Variants in ZP4 observed in about 807,000 individuals in gnomAD.
ZP4 encodes the protein zona pellucida glycoprotein 4.
ZP4 carries 62 observed loss-of-function variants against 62.3 expected under a neutral mutation model. That is an observed-to-expected ratio of 0.99 (90% CI 0.81 to 1.23). ZP4 has a LOEUF of 1.23. Ranked by LOEUF, ZP4 falls within the 50% of genes most tolerant of loss-of-function variation. The probability of loss-of-function intolerance (pLI) is 0.00; values close to 1 mark genes in which losing one functional copy is unlikely to be tolerated. For synonymous variants in ZP4, 289 were observed against 247.3 expected (o/e 1.17, Z -1.58); for missense variants, 774 against 656.0 (o/e 1.18, Z -1.97).
rs892628150 is a variant in ZP4, at chr1:237,885,757, T to C, written c.969A>G (p.Lys323=). 4 of 1,613,924 alleles carry C rather than the reference T, an allele frequency of 2.5e-6. No homozygotes were observed. The highest frequency in any genetic ancestry group is 2.5e-6 in the Non-Finnish European group (3 of 1,179,990). The part of the protein sequence containing the change: ...GPLTLELQIA[K]DKNYGSYYGV... ...ATACTCCAGCCAAGGGGGTCATACC[T>C]TTGGCAATCTGAAGTTCCAGAGTGA... The change falls in exon 7 of 12, where the codon AAA becomes AAG. Residue 323 remains lysine, a splice_region_variant and synonymous_variant. Transcript: ENST00000366570.
In ZP4 at chr1:237,886,694, C is replaced by A. The variant is rs1448807354; in HGVS notation, c.839+77G>T. The A allele has an allele frequency of 2.4e-6, 3 of 1,228,192 alleles. No homozygotes were observed. In the East Asian group the frequency reaches 7.0e-5, roughly 29 times the overall value. 76.1% of individuals were successfully genotyped at this position (1,228,192 alleles called of 1,614,324 possible). On this transcript the variant is annotated intron_variant, in intron 6 of 11. Coordinates refer to ENST00000366570, the MANE Select transcript of ZP4 (RefSeq NM_021186.5). The stretch of plus-strand genomic sequence containing the variant: ...GGTTTTCTCCTATTGCTGAGGAATG[C>A]TCATTTGTGGATTCAGGGCTTACCT...
rs140795085 is a variant in ZP4 at position 237,887,277 on chromosome 1, G to A, written c.741+97C>T. 9.3e-6 allele frequency: 13 copies of A among 1,402,464 alleles called. No individual in the cohort carries two copies. The African/African-American group carries it at 1.7e-4, about 18-fold the overall frequency. The allele number at this position is 1,402,464 out of a possible 1,614,324, so 86.9% of individuals were successfully genotyped here. A position where few individuals can be genotyped will look rare whatever the true frequency, so the allele number is the denominator to read the frequency against. On this transcript the variant is annotated intron_variant, in intron 5 of 11. Transcript: ENST00000366570. Reference sequence around the variant, plus strand: ...CCCAAACTCCAAGTAGTAGTCACAAGTATCGTTCACGGCCAACATATTTCA... The same window carrying A: ...CCCAAACTCCAAGTAGTAGTCACAAATATCGTTCACGGCCAACATATTTCA...
chr1:237,884,004 ACACACACACACAAAC>A (rs1558530927), intron 10 of ZP4, among the ~76,000 whole-genome samples: 2 of 91,610 alleles, frequency 2.2e-5, no homozygotes, highest in African/African-American at 9.3e-5. Context: ...ACACACACAC[ACACACACACACAAAC>A]ACACACACAC....
At position 237,885,307 on chromosome 1, in the gene ZP4, T is replaced by C; in HGVS notation, c.1169A>G (p.Tyr390Cys). ...QWPILVKGCPYIGDNYQTQLI... is the reference protein window; with the variant it reads ...QWPILVKGCPCIGDNYQTQLI... ...CTGGGTCTGATAGTTGTCTCCAATG[T>C]AGGGGCAGCTAGACCAAGAGACCCA... Residue 390 changes from tyrosine to cysteine, a missense_variant, in exon 9 of 12, where the codon TAC (tyrosine) becomes TGC (cysteine). Coordinates refer to ENST00000366570, the MANE Select transcript of ZP4 (RefSeq NM_021186.5). 5 of 1,613,978 alleles carry C rather than the reference T, an allele frequency of 3.1e-6. No homozygotes were observed. The highest frequency in any genetic ancestry group is 4.2e-6 in the Non-Finnish European group (5 of 1,179,928).
chr1:237,890,200 G>C (rs1215990840), intron 1 of ZP4, 24 bp from the exon 2 acceptor site: 1 of 1,613,286 alleles, frequency 6.2e-7, no homozygotes, highest in East Asian at 2.2e-5. Flanking sequence ...GAAGAGGTGA[G>C]AAAACACAGC....
intron 10 of ZP4, among the ~76,000 whole-genome samples, chr1:237,883,171 G>A (rs114254503): frequency 7.2e-5 from 11 of 152,234 alleles, no homozygotes; most frequent in East Asian, 1.9e-4. Context: ...AACAGAACTT[G>A]GAGGCTGAGA....
intron 11 of ZP4, 53 bp downstream of exon 11, chr1:237,882,689 T>C: frequency 1.2e-6 from 2 of 1,600,168 alleles, no homozygotes; most frequent in Non-Finnish European, 1.7e-6. Flanking sequence ...AGGAAGTTGC[T>C]TTGATTAGTA....
intron 6 of ZP4, 40 bp downstream of exon 6, chr1:237,886,731 C>A (rs567251501): frequency 6.4e-7 from 1 of 1,557,742 alleles, no homozygotes; most frequent in Non-Finnish European, 8.8e-7. Flanking sequence ...AGAATGCCCA[C>A]CTTATGGCAG....
intron 9 of ZP4, 73 bp from the exon 10 acceptor site, chr1:237,884,920 C>A: frequency 6.7e-7 from 1 of 1,501,578 alleles, no homozygotes. Flanking sequence ...TTTGCCTCCC[C>A]AGGAAGAGGT....
chr1:237,884,005 C>CACACACAAACACACACACACACAA (rs1665022176), intron 10 of ZP4, among the ~76,000 whole-genome samples: 10 of 95,820 alleles, frequency 1.0e-4, no homozygotes, highest in African/African-American at 4.1e-4. Context: ...CACACACACA[C>CACACACAAACACACACACACACAA]ACACACACAC....
Position 237,886,814 on chromosome 1 carries a change from T to C in ZP4, c.796A>G (p.Lys266Glu). The change falls in exon 6 of 12, where the codon AAA becomes GAA. Residue 266 changes from lysine (K) to glutamate (E), a missense_variant. Lys to Glu is a moderately conservative substitution (Grantham distance 56). Coordinates refer to ENST00000366570, the MANE Select transcript of ZP4 (RefSeq NM_021186.5). ...ENELVATRDV[K>E]NGSRGSVTRD... ...GTGACAGAGCCACGGCTCCCATTTT[T>C]CACATCCCTAGTTGCCACCAGTTCA... The C allele has an allele frequency of 6.2e-7, 1 of 1,614,104 alleles. No individual in the cohort carries two copies. The highest frequency in any genetic ancestry group is 8.5e-7 in the Non-Finnish European group (1 of 1,180,002).
At chr1:237,884,017 A>ACACACACAAACAC (rs1665026966) in intron 10 of ZP4, among the ~76,000 whole-genome samples, 1 of 87,984 alleles carries the variant, frequency 1.1e-5, no homozygotes, top group African/African-American at 4.8e-5. Context: ...CACACACACA[A>ACACACACAAACAC]ACACACACAC....
In ZP4 at chr1:237,887,334, A is replaced by G. The variant is rs750827845; in HGVS notation, c.741+40T>C. The stretch of plus-strand genomic sequence containing the variant: ...CCCCACTAGTCACTACAACCTTCCC[A>G]CCCAACTTCCAGAGCCAGGAACAAA... On this transcript the variant is annotated intron_variant, in intron 5 of 11. Coordinates refer to ENST00000366570, the MANE Select transcript of ZP4 (RefSeq NM_021186.5). 1.1e-5 allele frequency: 18 copies of G among 1,602,518 alleles called. No individual in the cohort carries two copies. In the East Asian group the frequency reaches 4.0e-4, roughly 36 times the overall value.
At position 237,882,425 on chromosome 1, in the gene ZP4, T is replaced by C; in HGVS notation, c.1620A>G (p.Gln540=). ...AGGCTGGGAATACACTCTGGTTTTA[T>C]TGACACATTTGGTCTGGGCAACTCT... ...KQKSCPDQMC[Q] is the part of the protein sequence containing the mutation. The change falls in exon 12 of 12, where the codon CAA becomes CAG. Residue 540 remains glutamine, a synonymous_variant. Coordinates refer to ENST00000366570, the MANE Select transcript of ZP4 (RefSeq NM_021186.5). 3 of 1,609,952 alleles carry C rather than the reference T, an allele frequency of 1.9e-6. No individual in the cohort carries two copies. The highest frequency in any genetic ancestry group is 2.2e-5 in the South Asian group (2 of 90,246).
chr1:237,884,693 G>T, intron 10 of ZP4, 76 bp downstream of exon 10: 3 of 1,366,590 alleles, frequency 2.2e-6, no homozygotes, highest in South Asian at 1.3e-5. Context: ...TGAGTTGTTT[G>T]GCCAGAGACT....
intron 10 of ZP4, among the ~76,000 whole-genome samples, chr1:237,883,408 C>T (rs766178048): frequency 6.6e-6 from 1 of 150,954 alleles, no homozygotes; most frequent in Admixed American, 6.6e-5. Context: ...CATAAAGATC[C>T]ATCTCTATAA....
Position 237,885,877 on chromosome 1 carries a change from G to A in ZP4, c.849C>T (p.Val283=). 1 of 1,614,154 alleles carries A rather than the reference G, an allele frequency of 6.2e-7. No homozygotes were observed. The highest frequency in any genetic ancestry group is 1.3e-5 in the African/African-American group (1 of 75,044). ...TGCTACTTACTGAGTAGCTGCAGCT[G>A]ACATGGAGCCTGCAGAGAAACAAGA... The part of the protein sequence containing the change: ...VTRDSIFRLH[V]SCSYSVSSNS... Residue 283 remains valine, a synonymous_variant, in exon 7 of 12, where the codon GTC becomes GTT. Coordinates refer to ENST00000366570, the MANE Select transcript of ZP4 (RefSeq NM_021186.5).
chr1:237,882,896 G>T, intron 10 of ZP4, 50 bp from the exon 11 acceptor site: 3 of 1,521,142 alleles, frequency 2.0e-6, no homozygotes, highest in Non-Finnish European at 2.7e-6. Flanking sequence ...CACACATAGG[G>T]CAGGGATAGA....
At chr1:237,886,656 A>T in intron 6 of ZP4, 115 bp downstream of exon 6, 1 of 815,102 alleles carries the variant, frequency 1.2e-6, no homozygotes, top group South Asian at 1.7e-5. Context: ...TTGGTGAACC[A>T]AGGTAGCAGA....
Sources: allele counts gnomAD v4.1 joint callset (sites outside exome capture counted in the v4.1 genomes callset), GRCh38; gene constraint gnomAD v4.1.1; transcripts MANE v1.5; gene names NCBI Gene and HGNC (gene_info 2026-07-23, HGNC 2026-07-21).